Variants in SLC7A1 observed in about 807,000 individuals in gnomAD.
SLC7A1 encodes solute carrier family 7 member 1.
SLC7A1 carries 10 observed loss-of-function variants against 53.9 expected under a neutral mutation model. The observed-to-expected ratio is 0.19, with a 90% CI of 0.11 to 0.31. The LOEUF is 0.31. SLC7A1 is among the 10% of genes least tolerant of loss of function. The pLI is 1.00. For synonymous variants in SLC7A1, 342 were observed against 338.7 expected, an observed-to-expected ratio of 1.01 and a Z score of -0.11; for missense variants, 525 against 827.2, an observed-to-expected ratio of 0.63 and a Z score of 4.48.
chr13:29,547,356 T>G (rs1416106941), intron 2 of SLC7A1, among the ~76,000 whole-genome samples: 2 of 152,172 alleles, frequency 1.3e-5, no homozygotes, highest in Non-Finnish European at 2.9e-5. Context: ...TGGGTAATTT[T>G]GGCTGCAGGA....
At chr13:29,556,099 G>T (rs932797203) in intron 1 of SLC7A1, among the ~76,000 whole-genome samples, 10 of 152,170 alleles carry the variant, frequency 6.6e-5, no homozygotes, top group Admixed American at 2.0e-4. Flanking sequence ...CCCTTTCTAG[G>T]TACATCCCTG....
chr13:29,519,915 T>A lies in SLC7A1; in HGVS notation c.1190-366A>T, dbSNP rs2776954. Among the ~76,000 whole-genome samples the A allele has an allele frequency of 2.9e-3, 447 of 152,262 alleles. 2 individuals are homozygous for A. The highest frequency in any genetic ancestry group is 0.01 in the African/African-American group (435 of 41,542). On this transcript the variant is annotated intron_variant, in intron 8 of 12. Coordinates refer to ENST00000380752, the MANE Select transcript of SLC7A1 (RefSeq NM_003045.5). Reference sequence around the variant, plus strand: ...AGTTCACAAGCATAGGGTATAAGGATGTGAACTGGGTTCTTATGACTCTGA... The same window carrying A: ...AGTTCACAAGCATAGGGTATAAGGAAGTGAACTGGGTTCTTATGACTCTGA...
intron 2 of SLC7A1, among the ~76,000 whole-genome samples, chr13:29,540,347 A>G (rs958251369): frequency 7.9e-5 from 12 of 152,208 alleles, no homozygotes; most frequent in African/African-American, 2.7e-4. Flanking sequence ...GTCATTTATT[A>G]TCAAAGAACA....
At chr13:29,545,882 G>A (rs1456876039) in intron 2 of SLC7A1, among the ~76,000 whole-genome samples, 1 of 152,222 alleles carries the variant, frequency 6.6e-6, no homozygotes, top group African/African-American at 2.4e-5. Context: ...GAGAACACCC[G>A]AAAAGTGTTT....
chr13:29,541,664 T>A (rs570541914), intron 2 of SLC7A1, among the ~76,000 whole-genome samples: 74 of 152,340 alleles, frequency 4.9e-4, no homozygotes, highest in African/African-American at 1.7e-3. Context: ...GGGAAAATCA[T>A]GAGTAACATG....
At chr13:29,531,715 T>G (rs1390553608) in intron 4 of SLC7A1, among the ~76,000 whole-genome samples, 1 of 152,092 alleles carries the variant, frequency 6.6e-6, no homozygotes, top group Non-Finnish European at 1.5e-5. Flanking sequence ...GTGTCTGTAA[T>G]CGCAGCTACT....
Position 29,535,855 on chromosome 13 carries a change from T to A in SLC7A1, c.334A>T (p.Ile112Phe), listed in dbSNP as rs370797687. The change falls in exon 3 of 13, where the codon ATC becomes TTC. Residue 112 changes from isoleucine to phenylalanine, a missense_variant. This residue lies in a region of SLC7A1 where 354 missense variants were observed against 587.5 expected (regional missense o/e 0.60). Coordinates refer to ENST00000380752, the MANE Select transcript of SLC7A1 (RefSeq NM_003045.5). ...YVTVGELWAF[I>F]TGWNLILSYI... ...GAGAGGATTAAGTTCCAGCCGGTGA[T>A]GAAGGCCCAGAGCTCTCCAACGGTG... 1.2e-6 allele frequency: 2 copies of A among 1,614,132 alleles called. No homozygotes were observed. Among genetic ancestry groups the A allele is most frequent in the Admixed American group, 1.7e-5 (1 of 60,016 alleles).
At chr13:29,549,612 CAG>C in intron 2 of SLC7A1, among the ~76,000 whole-genome samples, 1 of 152,340 alleles carries the variant, frequency 6.6e-6, no homozygotes, top group Non-Finnish European at 1.5e-5. Flanking sequence ...TTGTGACAGT[CAG>C]ACTCTACATT....
intron 1 of SLC7A1, among the ~76,000 whole-genome samples, chr13:29,567,986 G>A (rs2139162401): frequency 6.6e-6 from 1 of 152,248 alleles, no homozygotes; most frequent in Admixed American, 6.5e-5. Flanking sequence ...TCTTCACAGA[G>A]GGGCAGGGTG....
chr13:29,526,346 A>C (rs1193340840), intron 5 of SLC7A1, among the ~76,000 whole-genome samples: 1 of 152,034 alleles, frequency 6.6e-6, no homozygotes, highest in East Asian at 1.9e-4. Flanking sequence ...GTGGCATATG[A>C]CTATAGTCCC....
At chr13:29,573,275 C>CTGGCAA (rs1300683737) in intron 1 of SLC7A1, among the ~76,000 whole-genome samples, 1 of 152,128 alleles carries the variant, frequency 6.6e-6, no homozygotes, top group African/African-American at 2.4e-5. Flanking sequence ...ATAGAACTAT[C>CTGGCAA]TGGCAAGCAG....
At chr13:29,582,207 A>G (rs1871677111) in intron 1 of SLC7A1, among the ~76,000 whole-genome samples, 1 of 152,236 alleles carries the variant, frequency 6.6e-6, no homozygotes, top group Non-Finnish European at 1.5e-5. Flanking sequence ...TGATGGCAGT[A>G]GTTACTGAGT....
intron 12 of SLC7A1, among the ~76,000 whole-genome samples, chr13:29,515,352 G>A (rs777810038): frequency 2.0e-5 from 3 of 152,218 alleles, no homozygotes; most frequent in South Asian, 2.1e-4. Context: ...TCTAGGAGAC[G>A]TCTGTCTAAC....
intron 2 of SLC7A1, among the ~76,000 whole-genome samples, chr13:29,546,511 G>A (rs572135111): frequency 1.3e-5 from 2 of 152,292 alleles, no homozygotes; most frequent in South Asian, 4.1e-4. Context: ...GAGCAAAGCA[G>A]AGGGTTCCAT....
At position 29,516,186 on chromosome 13, in the gene SLC7A1, G is replaced by A; in HGVS notation, c.1738C>T (p.Gln580Ter). The change falls in exon 12 of 13, where the codon CAG (glutamine) becomes TAG (stop). Residue 580 changes from glutamine (Q) to a stop codon, truncating the protein, a stop_gained. Transcript: ENST00000380752. LOFTEE classifies it high-confidence loss of function. ...CGGACCCAGGTGCCCTGGTCCAGCT[G>A]CATCATGAGATAGACGTTCACGAAG... ...SIFVNVYLMM[Q>*]LDQGTWVRFA... 6.2e-7 allele frequency: 1 copy of A among 1,613,826 alleles called. No individual in the cohort carries two copies. The highest frequency in any genetic ancestry group is 1.7e-5 in the Admixed American group (1 of 59,998).
rs372113011 is a variant in SLC7A1 at position 29,552,019 on chromosome 13, G to C, written c.-15+1742C>G. Among the ~76,000 whole-genome samples the C allele has an allele frequency of 1.8e-4, 28 of 152,238 alleles. No homozygotes were observed. The South Asian group carries it at 3.1e-3, about 17-fold the overall frequency. ...CTCCTTAATTCTTATTTCAAGGCAG[G>C]CTGCTCAAAGTTGCTTACATGTGGC... On this transcript the variant is annotated intron_variant, in intron 2 of 12. Transcript: ENST00000380752.
chr13:29,556,282 A>T (rs112474194), intron 1 of SLC7A1, among the ~76,000 whole-genome samples: 6 of 152,112 alleles, frequency 3.9e-5, no homozygotes, highest in Non-Finnish European at 8.8e-5. Flanking sequence ...GAAAATAGCT[A>T]TTTTTCATAA....
In SLC7A1 at chr13:29,522,330, C is replaced by G. The variant is rs150705194; in HGVS notation, c.1176G>C (p.Ser392=). The G allele has an allele frequency of 3.7e-6, 6 of 1,614,168 alleles. No homozygotes were observed. The South Asian group carries it at 6.6e-5, about 18-fold the overall frequency. The change falls in exon 8 of 13, where the codon TCG becomes TCC. Residue 392 remains serine, a synonymous_variant. Transcript: ENST00000380752. ...TCTAGTACTCACCAGCAACGGCACC[C>G]GAGGCTAATGTGGCGATTATTGGTG... ...TKTPIIATLA[S]GAVAAVMAFL...
At chr13:29,538,186 C>T (rs1160781864) in intron 2 of SLC7A1, among the ~76,000 whole-genome samples, 1 of 152,208 alleles carries the variant, frequency 6.6e-6, no homozygotes, top group East Asian at 1.9e-4. Context: ...AGCCAAATGT[C>T]AAACAGGGTC....
Sources: gnomAD v4.1 joint callset for allele counts (sites outside exome capture counted in the v4.1 genomes callset) on GRCh38, gnomAD v4.1.1 for gene constraint, gnomAD v4.1.1 regional missense constraint, MANE v1.5 for transcripts, NCBI Gene and HGNC (gene_info 2026-07-23, HGNC 2026-07-21) for gene names.